Variants in PHACTR1 observed in about 807,000 individuals in gnomAD.
The protein encoded by PHACTR1 is RPEL repeat containing 1.
A neutral mutation model predicts 69.2 loss-of-function variants in PHACTR1; 16 were observed. That is an observed-to-expected ratio of 0.23 (90% confidence interval 0.16 to 0.35). The LOEUF is 0.35. Among genes scored for constraint, PHACTR1 ranks in the 10% least tolerant of loss-of-function variants. The pLI is 1.00. For missense variants in PHACTR1, 510 were observed against 734.7 expected (o/e 0.69, Z 3.54); for synonymous variants, 312 against 284.5 (o/e 1.10, Z -0.97).
chr6:12,912,457 G>A (rs1020154389), intron 4 of PHACTR1, among the ~76,000 whole-genome samples: 7 of 152,166 alleles, frequency 4.6e-5, no homozygotes, highest in Non-Finnish European at 8.8e-5. Flanking sequence ...GTTTTGAAAA[G>A]GTTTTTCTGG....
intron 4 of PHACTR1, among the ~76,000 whole-genome samples, chr6:12,865,155 G>C (rs895973851): frequency 1.3e-5 from 2 of 152,154 alleles, no homozygotes; most frequent in Non-Finnish European, 2.9e-5. Flanking sequence ...GGACAACTAT[G>C]ATGGATAGCC....
At chr6:13,250,021 T>C (rs1774157959) in intron 10 of PHACTR1, among the ~76,000 whole-genome samples, 1 of 152,120 alleles carries the variant, frequency 6.6e-6, no homozygotes, top group Admixed American at 6.5e-5. Flanking sequence ...TCTGTCTTTG[T>C]CAATAAAGCT....
chr6:13,192,221 A>G (rs1173483262), intron 7 of PHACTR1, among the ~76,000 whole-genome samples: 1 of 152,250 alleles, frequency 6.6e-6, no homozygotes, highest in East Asian at 1.9e-4. Flanking sequence ...AATAAATTCA[A>G]GTATAACAAG....
At chr6:13,033,861 C>G (rs752379406) in intron 4 of PHACTR1, among the ~76,000 whole-genome samples, 13 of 147,996 alleles carry the variant, frequency 8.8e-5, no homozygotes, top group Non-Finnish European at 1.6e-4. Context: ...ATACTTTACA[C>G]CAAATATAAT....
At chr6:12,804,200 C>T (rs1774031105) in intron 4 of PHACTR1, among the ~76,000 whole-genome samples, 1 of 152,158 alleles carries the variant, frequency 6.6e-6, no homozygotes, top group African/African-American at 2.4e-5. Flanking sequence ...AAACCAAATG[C>T]CTATGGAATT....
chr6:12,941,294 C>A (rs1233935538), intron 4 of PHACTR1, among the ~76,000 whole-genome samples: 1 of 152,162 alleles, frequency 6.6e-6, no homozygotes, highest in African/African-American at 2.4e-5. Context: ...TGATATTTAA[C>A]CTACATCACA....
intron 7 of PHACTR1, among the ~76,000 whole-genome samples, chr6:13,187,668 CAG>C (rs920352513): frequency 7.2e-5 from 11 of 152,194 alleles, no homozygotes; most frequent in African/African-American, 2.4e-4. Flanking sequence ...GAAGGCCTAT[CAG>C]AGAAGCCACC....
intron 4 of PHACTR1, among the ~76,000 whole-genome samples, chr6:12,866,648 G>A (rs1295881558): frequency 2.6e-5 from 4 of 152,088 alleles, no homozygotes; most frequent in Non-Finnish European, 5.9e-5. Context: ...TATTCACAAC[G>A]TACCATTTAT....
At chr6:12,932,914 G>A (rs979425020) in intron 4 of PHACTR1, among the ~76,000 whole-genome samples, 1 of 150,846 alleles carries the variant, frequency 6.6e-6, no homozygotes, top group Non-Finnish European at 1.5e-5. Flanking sequence ...TATACAGCCA[G>A]CATTTAATTT....
chr6:13,167,181 A>G (rs1296121334), intron 6 of PHACTR1, among the ~76,000 whole-genome samples: 4 of 152,214 alleles, frequency 2.6e-5, no homozygotes, highest in African/African-American at 4.8e-5. Flanking sequence ...CAGGAAGGCT[A>G]TGCACATTGG....
chr6:13,029,575 C>T (rs1390558729), intron 4 of PHACTR1, among the ~76,000 whole-genome samples: 2 of 152,082 alleles, frequency 1.3e-5, no homozygotes, highest in South Asian at 2.1e-4. Context: ...AAGATGGCTA[C>T]AAAAATAGAT....
rs1777240400 is a variant in PHACTR1 at position 12,829,964 on chromosome 6, A to AGAGAGAG, written c.250+80174_250+80175insGAGAGAG. Among the ~76,000 whole-genome samples, 125 of 99,932 alleles carry AGAGAGAG rather than the reference A, an allele frequency of 1.3e-3. 1 individual carries two copies. The highest frequency in any genetic ancestry group is 5.1e-3 in the African/African-American group (115 of 22,730). The allele number at this position is 99,932 out of a possible 152,430, so 65.6% of individuals were successfully genotyped here. On this transcript the variant is annotated intron_variant, in intron 4 of 14. Coordinates refer to ENST00000332995, the MANE Select transcript of PHACTR1 (RefSeq NM_030948.6). ...CAGAGCAAGACTCCGTCAAGAAAGA[A>AGAGAGAG]AGAGAGAGAGAGAGAGAGAGAGAGA... is the stretch of plus-strand genomic sequence containing the variant.
At chr6:13,074,689 C>G (rs1258301017) in intron 5 of PHACTR1, among the ~76,000 whole-genome samples, 2 of 152,128 alleles carry the variant, frequency 1.3e-5, no homozygotes, top group Non-Finnish European at 2.9e-5. Flanking sequence ...TTGTTTGTTA[C>G]AGAATGTTTA....
In PHACTR1 at chr6:13,245,066, G is replaced by T. The variant is rs567889507; in HGVS notation, c.1391+14873G>T. 6.6e-6 allele frequency among the ~76,000 whole-genome samples: 1 copy of T among 152,246 alleles called. No individual in the cohort carries two copies. Among genetic ancestry groups the T allele is most frequent in the South Asian group, 2.1e-4 (1 of 4,820 alleles). Reference sequence around the variant, plus strand: ...GGTTTCAGCCGGTCCCTCTGTTTGGGGTCCCTGACTTCCCGCAACAGTATT... The same window carrying T: ...GGTTTCAGCCGGTCCCTCTGTTTGGTGTCCCTGACTTCCCGCAACAGTATT... On this transcript the variant is annotated intron_variant, in intron 10 of 14. Transcript: ENST00000332995. The surrounding 1 kb of genome is among the most constrained non-coding windows in gnomAD (Gnocchi z 4.1).
intron 4 of PHACTR1, among the ~76,000 whole-genome samples, chr6:12,777,625 C>CTTTTTTTTTTTTTTTTT (rs869096915): frequency 1.0e-5 from 1 of 99,016 alleles, no homozygotes; most frequent in Non-Finnish European, 1.9e-5. Context: ...CTTTCTTCTT[C>CTTTTTTTTTTTTTTTTT]TTTTTTTTTT....
intron 8 of PHACTR1, 71 bp downstream of exon 8, chr6:13,206,207 A>G: frequency 2.7e-5 from 38 of 1,403,530 alleles, no homozygotes; most frequent in Non-Finnish European, 3.6e-5. Context: ...AGGGATTTGG[A>G]CCATGACTTA....
intron 5 of PHACTR1, among the ~76,000 whole-genome samples, chr6:13,155,316 G>A (rs970536333): frequency 3.9e-5 from 6 of 152,132 alleles, no homozygotes; most frequent in Non-Finnish European, 4.4e-5. Flanking sequence ...CTGGGTCTGG[G>A]AGAATAATGG....
chr6:13,189,841 G>A (rs1387806077), intron 7 of PHACTR1, among the ~76,000 whole-genome samples: 1 of 152,124 alleles, frequency 6.6e-6, no homozygotes, highest in African/African-American at 2.4e-5. Flanking sequence ...AAAGAATGTA[G>A]ATTGGGTAGT....
intron 5 of PHACTR1, among the ~76,000 whole-genome samples, chr6:13,138,450 T>G (rs944542608): frequency 6.6e-6 from 1 of 152,248 alleles, no homozygotes; most frequent in East Asian, 1.9e-4. Flanking sequence ...TTTGGTGGTG[T>G]TGAACCTTCT....
Sources: gnomAD v4.1 joint callset for allele counts (sites outside exome capture counted in the v4.1 genomes callset) on GRCh38, gnomAD v4.1.1 for gene constraint, Gnocchi (gnomAD v3.1) non-coding constraint, MANE v1.5 for transcripts, NCBI Gene and HGNC (gene_info 2026-07-23, HGNC 2026-07-21) for gene names.